Variants in CIP2A observed in about 807,000 individuals in gnomAD.
The protein encoded by CIP2A is protein CIP2A.
CIP2A carries 103 observed loss-of-function variants against 110.9 expected under a neutral mutation model. The ratio of observed to expected loss-of-function variants is 0.93; its 90% CI spans 0.79 to 1.09. CIP2A has a LOEUF of 1.09. Among genes scored for constraint, CIP2A ranks in the 50% least tolerant of loss-of-function variants. The probability of loss-of-function intolerance (pLI) is 0.00; values close to 1 mark genes in which losing one functional copy is unlikely to be tolerated. For missense variants in CIP2A, 1,088 were observed against 1,038.4 expected (o/e 1.05, Z -0.66); for synonymous variants, 381 against 361.6 (o/e 1.05, Z -0.61).
intron 3 of CIP2A, 44 bp downstream of exon 3, chr3:108,582,933 T>C: frequency 8.6e-7 from 1 of 1,162,772 alleles, no homozygotes; most frequent in Non-Finnish European, 1.3e-6. Context: ...TCAATTTTGA[T>C]CTGACAGTAA....
rs747677393 is a variant in CIP2A at position 108,589,422 on chromosome 3, G to A, written c.-47C>T. 6.4e-6 allele frequency: 9 copies of A among 1,410,262 alleles called. No homozygotes were observed. In the East Asian group the frequency reaches 9.6e-5, roughly 15 times the overall value. The allele number at this position is 1,410,262 out of a possible 1,614,324, so 87.4% of individuals were successfully genotyped here. On this transcript the variant is annotated 5_prime_UTR_variant, in exon 1 of 21. Transcript: ENST00000295746. ...TAGGGACCACCACCGCCCAGCGTGC[G>A]CCGGCCTTTAGCTTTCGCCGCGCTT...
At position 108,553,704 on chromosome 3, in the gene CIP2A, T is replaced by C. The variant is rs751806817; in HGVS notation, c.2351A>G (p.Glu784Gly). The C allele has an allele frequency of 6.7e-7, 1 of 1,494,318 alleles. No individual in the cohort carries two copies. Among genetic ancestry groups the C allele is most frequent in the Admixed American group, 1.7e-5 (1 of 59,706 alleles). The allele number at this position is 1,494,318 out of a possible 1,614,324, so 92.6% of individuals were successfully genotyped here. Residue 784 changes from glutamate to glycine, a missense_variant, in exon 19 of 21, where the codon GAA (glutamate) becomes GGA (glycine). Glu to Gly is a moderately conservative substitution (Grantham distance 98). Coordinates refer to ENST00000295746, the MANE Select transcript of CIP2A (RefSeq NM_020890.3). ...EKSIAQLIEK[E>G]EQRKEVQNQL... is the part of the protein sequence containing the mutation. ...ATTCTGTACTTCTTTTCTCTGTTCTTCTTTCTCTATTAATTGGGCAATACT... is the reference window on the plus strand; with the variant it reads ...ATTCTGTACTTCTTTTCTCTGTTCTCCTTTCTCTATTAATTGGGCAATACT...
intron 7 of CIP2A, 54 bp downstream of exon 7, chr3:108,579,227 C>T (rs1938779582): frequency 1.5e-6 from 2 of 1,306,670 alleles, no homozygotes; most frequent in Admixed American, 1.9e-5. Flanking sequence ...TTATAACCAA[C>T]ACATCTTGGT....
In CIP2A at chr3:108,585,093, T is replaced by C; in HGVS notation, c.222A>G (p.Leu74=). The C allele has an allele frequency of 1.2e-6, 2 of 1,612,966 alleles. No homozygotes were observed. Among genetic ancestry groups the C allele is most frequent in the African/African-American group, 1.3e-5 (1 of 74,998 alleles). ...GTTGAGACAGCAAACCGATAATACT[T>C]AAGATCAGTGAAGCACTTATGTTGG... The part of the protein sequence containing the change: ...EDPNISASLI[L]SIIGLLSQLA... The change falls in exon 2 of 21, where the codon TTA becomes TTG. Residue 74 remains leucine, a synonymous_variant. Coordinates refer to ENST00000295746, the MANE Select transcript of CIP2A (RefSeq NM_020890.3).
At chr3:108,585,723 T>C in intron 1 of CIP2A, 2 of 456,592 alleles carry the variant, frequency 4.4e-6, no homozygotes, top group Non-Finnish European at 4.4e-6. Flanking sequence ...TTATTCCTTC[T>C]GCTTCTTCCC....
intron 6 of CIP2A, 47 bp from the exon 7 acceptor site, chr3:108,579,473 A>C (rs751144231): frequency 6.4e-7 from 1 of 1,564,174 alleles, no homozygotes; most frequent in Non-Finnish European, 8.7e-7. Flanking sequence ...AATTAAGTTG[A>C]CACCATCCTA....
At chr3:108,553,896 T>TAAAAAAAAAAAAAAAAAAAAAAAAAAAAA (rs71103478) in intron 18 of CIP2A, among the ~76,000 whole-genome samples, 166 bp from the exon 19 acceptor site, 2 of 84,178 alleles carry the variant, frequency 2.4e-5, no homozygotes, top group African/African-American at 4.4e-5. Flanking sequence ...ACTAAAAATA[T>TAAAAAAAAAAAAAAAAAAAAAAAAAAAAA]AAAAAAAAAA....
intron 17 of CIP2A, among the ~76,000 whole-genome samples, chr3:108,555,232 G>A (rs909667750): frequency 3.3e-5 from 5 of 152,116 alleles, no homozygotes; most frequent in Admixed American, 2.0e-4. Context: ...TTTCTTGGAC[G>A]CTGCCTATCT....
rs1418560051 is a variant in CIP2A at position 108,563,261 on chromosome 3, C to A, written c.1516-17G>T. The A allele has an allele frequency of 3.5e-6, 5 of 1,433,012 alleles. No homozygotes were observed. The highest frequency in any genetic ancestry group is 3.4e-5 in the Admixed American group (2 of 57,974). 88.8% of individuals were successfully genotyped at this position (1,433,012 alleles called of 1,614,324 possible). ...ACGTGGGTCCTAAATAAATCAGAAACCAAAAAAGAAGCAGCAGAAAGAATA... is the reference window on the plus strand; with the variant it reads ...ACGTGGGTCCTAAATAAATCAGAAAACAAAAAAGAAGCAGCAGAAAGAATA... On this transcript the variant is annotated splice_polypyrimidine_tract_variant and intron_variant, in intron 12 of 20. Transcript: ENST00000295746.
chr3:108,579,637 T>C lies in CIP2A; in HGVS notation c.601A>G (p.Ser201Gly). 3.1e-6 allele frequency: 5 copies of C among 1,604,444 alleles called. No individual in the cohort carries two copies. Among genetic ancestry groups the C allele is most frequent in the Non-Finnish European group, 4.3e-6 (5 of 1,175,046 alleles). ...RTLITLLAHS[S>G]LTVVVFALSI... Reference sequence around the variant, plus strand: ...AGTGCAAACACAACCACAGTTAAACTACTATGGGCCAACAAGGTGATAAGA... The same window carrying C: ...AGTGCAAACACAACCACAGTTAAACCACTATGGGCCAACAAGGTGATAAGA... Residue 201 changes from serine (S) to glycine (G), a missense_variant, in exon 6 of 21, where the codon AGT (serine) becomes GGT (glycine). By Grantham distance (56) the Ser-to-Gly change is moderately conservative (BLOSUM62 0). Transcript: ENST00000295746.
chr3:108,579,625 CCA>C lies in CIP2A; in HGVS notation c.611_612del (p.Val204GlyfsTer15). On this transcript the variant is annotated frameshift_variant, in exon 6 of 21. Transcript: ENST00000295746. LOFTEE classifies it high-confidence loss of function. ...GATAATATTGAAAGTGCAAACACAA[CCA>C]CAGTTAAACTACTATGGGCCAACAA... ...ITLLAHSSLT[V>X]VVFALSILSS... The C allele has an allele frequency of 6.2e-7, 1 of 1,605,228 alleles. No individual in the cohort carries two copies. Among genetic ancestry groups the C allele is most frequent in the African/African-American group, 1.3e-5 (1 of 74,684 alleles).
chr3:108,566,443 A>G, intron 11 of CIP2A, 54 bp downstream of exon 11: 2 of 1,443,824 alleles, frequency 1.4e-6, no homozygotes, highest in Non-Finnish European at 1.9e-6. Flanking sequence ...GAATCACCAC[A>G]TCTTTCGATT....
chr3:108,555,621 T>C (rs537086253), intron 17 of CIP2A, among the ~76,000 whole-genome samples: 1 of 152,286 alleles, frequency 6.6e-6, no homozygotes, highest in African/African-American at 2.4e-5. Context: ...TCTAAGTTTC[T>C]TTCTCAGGGT....
At position 108,560,048 on chromosome 3, in the gene CIP2A, A is replaced by T; in HGVS notation, c.1828-20T>A. ...CTTTACCTACATTTTAAGAGTAAAA[A>T]AACTTAAAATTTTAATAAAATATTT... On this transcript the variant is annotated intron_variant, in intron 14 of 20. Transcript: ENST00000295746. 6.9e-7 allele frequency: 1 copy of T among 1,444,146 alleles called. No individual in the cohort carries two copies. Among genetic ancestry groups the T allele is most frequent in the Non-Finnish European group, 9.5e-7 (1 of 1,047,660 alleles). 89.5% of individuals were successfully genotyped at this position (1,444,146 alleles called of 1,614,324 possible). A position where few individuals can be genotyped will look rare whatever the true frequency, so the allele number is the denominator to read the frequency against.
At chr3:108,557,438 C>T in intron 16 of CIP2A, 24 bp from the exon 17 acceptor site, 1 of 1,527,906 alleles carries the variant, frequency 6.5e-7, no homozygotes. Flanking sequence ...AGAAGATAGA[C>T]TTTACCACTA....
At chr3:108,586,542 A>G (rs182424690) in intron 1 of CIP2A, among the ~76,000 whole-genome samples, 61 of 152,334 alleles carry the variant, frequency 4.0e-4, no homozygotes, top group African/African-American at 1.5e-3. Context: ...CTTAAAACAA[A>G]GATAATTTAT....
chr3:108,571,278 G>GTA (rs1938395590), intron 8 of CIP2A, among the ~76,000 whole-genome samples: 1 of 152,128 alleles, frequency 6.6e-6, no homozygotes, highest in Non-Finnish European at 1.5e-5. Context: ...ACTATGTACT[G>GTA]TATACAATCT....
intron 17 of CIP2A, among the ~76,000 whole-genome samples, chr3:108,556,180 T>C (rs1269514674): frequency 1.3e-5 from 2 of 152,204 alleles, no homozygotes; most frequent in Non-Finnish European, 2.9e-5. Flanking sequence ...CATCATTTTC[T>C]AGATACTATT....
At chr3:108,575,422 ATG>A (rs1559698856) in intron 8 of CIP2A, among the ~76,000 whole-genome samples, 1 of 95,550 alleles carries the variant, frequency 1.0e-5, no homozygotes, top group Non-Finnish European at 2.5e-5. Flanking sequence ...ATACATATAC[ATG>A]TATACATACA....
Sources: allele counts gnomAD v4.1 joint callset (sites outside exome capture counted in the v4.1 genomes callset), GRCh38; gene constraint gnomAD v4.1.1; transcripts MANE v1.5; gene names NCBI Gene and HGNC (gene_info 2026-07-23, HGNC 2026-07-21).